The following CNTNAP2 variants were observed in gnomAD, a reference collection of about 807,000 sequenced individuals.
CNTNAP2 encodes the protein contactin-associated protein-like 2.
In CNTNAP2, 98 loss-of-function variants were observed where a neutral mutation model predicts 155.2. That is an observed-to-expected ratio of 0.63 (90% CI 0.54 to 0.75). The LOEUF (loss-of-function observed/expected upper bound fraction) is 0.75. Among genes scored for constraint, CNTNAP2 ranks in the 30% least tolerant of loss-of-function variants. CNTNAP2 has a pLI of 0.00. For synonymous variants in CNTNAP2, 651 were observed against 631.2 expected, an observed-to-expected ratio of 1.03 and a Z score of -0.47; for missense variants, 1,727 against 1,688.1, an observed-to-expected ratio of 1.02 and a Z score of -0.40.
chr7:147,721,975 G>A lies in CNTNAP2; in HGVS notation c.2098+82669G>A, dbSNP rs564020356. ...TATACCAGACATCTTAGTCCTGGATGGGGCATGCCCTTCTGATCAGCAAGT... is the reference window on the plus strand; with the variant it reads ...TATACCAGACATCTTAGTCCTGGATAGGGCATGCCCTTCTGATCAGCAAGT... On this transcript the variant is annotated intron_variant, in intron 13 of 23. Transcript: ENST00000361727. 3.3e-5 allele frequency among the ~76,000 whole-genome samples: 5 copies of A among 152,268 alleles called. No individual in the cohort carries two copies. In the South Asian group the frequency reaches 6.2e-4, roughly 19 times the overall value.
At chr7:147,429,720 T>A (rs945543760) in intron 10 of CNTNAP2, among the ~76,000 whole-genome samples, 12 of 152,212 alleles carry the variant, frequency 7.9e-5, no homozygotes, top group African/African-American at 2.9e-4. Flanking sequence ...TTGATCCATC[T>A]TGAGTTGATT....
At chr7:148,387,098 T>G (rs1799228044) in intron 22 of CNTNAP2, among the ~76,000 whole-genome samples, 1 of 152,158 alleles carries the variant, frequency 6.6e-6, no homozygotes, top group African/African-American at 2.4e-5. Flanking sequence ...GAGGGAGGTA[T>G]GGCAGCCTCA....
chr7:147,209,608 C>T (rs531613432), intron 8 of CNTNAP2, among the ~76,000 whole-genome samples: 1 of 152,086 alleles, frequency 6.6e-6, no homozygotes, highest in South Asian at 2.1e-4. Context: ...CTGGCTAGTA[C>T]TTCCAGTACT....
intron 13 of CNTNAP2, among the ~76,000 whole-genome samples, chr7:147,689,591 G>T (rs1375270261): frequency 6.6e-6 from 1 of 151,916 alleles, no homozygotes; most frequent in Non-Finnish European, 1.5e-5. Context: ...TTGTTATTGC[G>T]TTATTATATA....
chr7:147,361,683 T>C (rs1300601714), intron 9 of CNTNAP2, among the ~76,000 whole-genome samples: 2 of 152,182 alleles, frequency 1.3e-5, no homozygotes, highest in African/African-American at 4.8e-5. Context: ...TAAACTTGAT[T>C]ATAAATTTGA....
chr7:148,333,290 T>C (rs1798062827), intron 21 of CNTNAP2, among the ~76,000 whole-genome samples: 1 of 151,950 alleles, frequency 6.6e-6, no homozygotes, highest in Admixed American at 6.6e-5. Context: ...TAGCCAGGCA[T>C]GGTGGCACAC....
At chr7:147,171,035 T>A (rs1802216139) in intron 8 of CNTNAP2, among the ~76,000 whole-genome samples, 1 of 152,150 alleles carries the variant, frequency 6.6e-6, no homozygotes, top group Non-Finnish European at 1.5e-5. Flanking sequence ...CAGCTCCATG[T>A]CTGCTGAATC....
intron 3 of CNTNAP2, among the ~76,000 whole-genome samples, chr7:146,896,508 A>G (rs1419787445): frequency 1.3e-5 from 2 of 152,100 alleles, no homozygotes; most frequent in African/African-American, 2.4e-5. Flanking sequence ...CTCAGTCACT[A>G]TACTCTGAAC....
chr7:147,994,386 G>GA (rs2116885448), intron 15 of CNTNAP2, among the ~76,000 whole-genome samples: 1 of 148,552 alleles, frequency 6.7e-6, no homozygotes, highest in East Asian at 2.0e-4. Flanking sequence ...AAAAAAAAAG[G>GA]AACTTGGCAT....
chr7:147,206,853 A>G (rs1290458089), intron 8 of CNTNAP2, among the ~76,000 whole-genome samples: 2 of 152,178 alleles, frequency 1.3e-5, no homozygotes, highest in African/African-American at 4.8e-5. Flanking sequence ...GAAGACCACA[A>G]ACCCCTCTAG....
Position 146,811,604 on chromosome 7 carries a change from A to G in CNTNAP2, c.209-28107A>G, listed in dbSNP as rs544829648. Among the ~76,000 whole-genome samples the G allele has an allele frequency of 3.9e-5, 6 of 152,048 alleles. No homozygotes were observed. The East Asian group carries it at 9.7e-4, about 25-fold the overall frequency. On this transcript the variant is annotated intron_variant, in intron 2 of 23. Coordinates refer to ENST00000361727, the MANE Select transcript of CNTNAP2 (RefSeq NM_014141.6). ...ACTCAGTTTCATTGATCTTTTCTATAGGCTTTTCTTTATTTCTAGTTTTTA... is the reference window on the plus strand; with the variant it reads ...ACTCAGTTTCATTGATCTTTTCTATGGGCTTTTCTTTATTTCTAGTTTTTA...
chr7:147,939,743 T>A (rs918021502), intron 14 of CNTNAP2, among the ~76,000 whole-genome samples: 2 of 152,184 alleles, frequency 1.3e-5, no homozygotes, highest in African/African-American at 4.8e-5. Flanking sequence ...ATCATTATAT[T>A]CTGATCAAAA....
intron 3 of CNTNAP2, among the ~76,000 whole-genome samples, chr7:147,000,478 T>C (rs952833893): frequency 6.6e-6 from 1 of 152,098 alleles, no homozygotes; most frequent in East Asian, 1.9e-4. Flanking sequence ...CTGCATACTG[T>C]AGAAGTAGAT....
chr7:146,496,596 G>C (rs1012607791), intron 1 of CNTNAP2, among the ~76,000 whole-genome samples: 12 of 152,094 alleles, frequency 7.9e-5, no homozygotes, highest in Non-Finnish European at 1.5e-4. Context: ...GCTTTCCGAG[G>C]CTCTGGCAAA....
At chr7:146,192,775 C>G (rs905935117) in intron 1 of CNTNAP2, among the ~76,000 whole-genome samples, 3 of 152,154 alleles carry the variant, frequency 2.0e-5, no homozygotes, top group African/African-American at 7.2e-5. Context: ...CTTGCAAAGC[C>G]TTAACATATT....
intron 8 of CNTNAP2, among the ~76,000 whole-genome samples, chr7:147,249,715 G>T (rs1362402687): frequency 6.6e-6 from 1 of 150,984 alleles, no homozygotes; most frequent in Admixed American, 6.6e-5. Context: ...GTAAACTGAG[G>T]TTTTCAGTCT....
intron 9 of CNTNAP2, among the ~76,000 whole-genome samples, chr7:147,379,077 C>T (rs73475216): frequency 0.033 from 4,993 of 152,096 alleles, 107 homozygotes; most frequent in South Asian, 0.045. Context: ...CTTGCTGCCT[C>T]CATGTGAAGA....
At chr7:146,395,273 A>C (rs527407363) in intron 1 of CNTNAP2, among the ~76,000 whole-genome samples, 4 of 152,284 alleles carry the variant, frequency 2.6e-5, no homozygotes, top group African/African-American at 9.6e-5. Flanking sequence ...TCTGAGGCTC[A>C]GAGCTAGTAA....
In CNTNAP2 at chr7:147,488,555, TAA is replaced by T. The variant is rs60865830; in HGVS notation, c.1777+2520_1777+2521del. Reference sequence around the variant, plus strand: ...AATTATTTTAAATAGTATTTTTTTTTAAAAAAAGCAGCTAACTAAGAGCTAAA... The same window carrying T: ...AATTATTTTAAATAGTATTTTTTTTTAAAAAGCAGCTAACTAAGAGCTAAA... On this transcript the variant is annotated intron_variant, in intron 11 of 23. Transcript: ENST00000361727. Among the ~76,000 whole-genome samples the T allele has an allele frequency of 7.1e-3, 1,074 of 151,754 alleles. 6 individuals carry two copies. Among genetic ancestry groups the T allele is most frequent in the Non-Finnish European group, 0.011 (720 of 67,894 alleles).
Sources: gnomAD v4.1 joint callset for allele counts (sites outside exome capture counted in the v4.1 genomes callset) on GRCh38, gnomAD v4.1.1 for gene constraint, MANE v1.5 for transcripts, NCBI Gene and HGNC (gene_info 2026-07-23, HGNC 2026-07-21) for gene names.